Variants in RORA observed in about 807,000 individuals in gnomAD.
The protein encoded by RORA is RAR related orphan receptor A.
In RORA, 7 loss-of-function variants were observed where a neutral mutation model predicts 69.5. The observed-to-expected ratio is 0.10, with a 90% CI of 0.06 to 0.19. The LOEUF (loss-of-function observed/expected upper bound fraction) is 0.19. RORA is among the 10% of genes least tolerant of loss of function. The probability of loss-of-function intolerance (pLI) is 1.00; values close to 1 mark genes in which losing one functional copy is unlikely to be tolerated. For missense variants in RORA, 457 were observed against 663.0 expected (o/e 0.69, Z 3.41); for synonymous variants, 261 against 240.8 (o/e 1.08, Z -0.78).
At chr15:60,825,081 T>A (rs2072939208) in intron 1 of RORA, among the ~76,000 whole-genome samples, 1 of 152,212 alleles carries the variant, frequency 6.6e-6, no homozygotes, top group African/African-American at 2.4e-5. Context: ...AGTATAGGGT[T>A]CATCCTAATT....
chr15:60,566,132 G>C (rs781575484), intron 2 of RORA, among the ~76,000 whole-genome samples: 1 of 152,130 alleles, frequency 6.6e-6, no homozygotes, highest in Non-Finnish European at 1.5e-5. Flanking sequence ...ACATAAATAA[G>C]CTTATGATTA....
intron 1 of RORA, among the ~76,000 whole-genome samples, chr15:60,806,315 A>C (rs2072659183): frequency 6.6e-6 from 1 of 152,160 alleles, no homozygotes; most frequent in Non-Finnish European, 1.5e-5. Flanking sequence ...AATTCTGCAC[A>C]CTCTGACTAT....
At chr15:60,573,419 G>A (rs555367565) in intron 2 of RORA, among the ~76,000 whole-genome samples, 4 of 152,204 alleles carry the variant, frequency 2.6e-5, no homozygotes, top group South Asian at 2.1e-4. Flanking sequence ...GACCTTTGCC[G>A]CATCCAAAAA....
At chr15:60,969,040 G>A (rs1024871676) in intron 1 of RORA, among the ~76,000 whole-genome samples, 5 of 152,022 alleles carry the variant, frequency 3.3e-5, no homozygotes, top group South Asian at 4.1e-4. Context: ...ATGTTTCCTC[G>A]TGATTAGATG....
intron 1 of RORA, among the ~76,000 whole-genome samples, chr15:60,828,295 A>G (rs1022412228): frequency 6.6e-6 from 1 of 152,312 alleles, no homozygotes; most frequent in Non-Finnish European, 1.5e-5. Context: ...GTAAAGAGAC[A>G]TGGTAGGTGA....
intron 2 of RORA, chr15:60,598,367 G>C (rs2068742785): frequency 6.6e-6 from 1 of 152,184 alleles, no homozygotes; most frequent in Non-Finnish European, 1.5e-5. Context: ...GATTTGACAT[G>C]TGTAGGTTCA....
intron 1 of RORA, among the ~76,000 whole-genome samples, chr15:61,157,519 T>C (rs28522424): frequency 0.041 from 6,277 of 152,210 alleles, 435 homozygotes; most frequent in African/African-American, 0.14. Flanking sequence ...AGATACAATA[T>C]ATTTGATCCT....
chr15:61,149,057 G>A (rs879892788), intron 1 of RORA, among the ~76,000 whole-genome samples: 6 of 152,152 alleles, frequency 3.9e-5, no homozygotes, highest in Non-Finnish European at 5.9e-5. Flanking sequence ...CTACATTCCA[G>A]GATTCCAAAT....
chr15:60,500,617 A>ATTT (rs1437479365), intron 9 of RORA, among the ~76,000 whole-genome samples: 1 of 152,190 alleles, frequency 6.6e-6, no homozygotes, highest in East Asian at 1.9e-4. Context: ...ATGTCTTAAA[A>ATTT]ATCTTGTTAT....
At chr15:60,916,941 T>C (rs1396416752) in intron 1 of RORA, among the ~76,000 whole-genome samples, 1 of 151,964 alleles carries the variant, frequency 6.6e-6, no homozygotes, top group East Asian at 1.9e-4. Flanking sequence ...AAAGTCTAAT[T>C]TGGGCCAGTT....
At chr15:60,913,345 G>C (rs896683622) in intron 1 of RORA, among the ~76,000 whole-genome samples, 2 of 152,212 alleles carry the variant, frequency 1.3e-5, no homozygotes, top group Non-Finnish European at 2.9e-5. Context: ...AGAGCCAGTA[G>C]AGCAAGCCTG....
At chr15:60,656,093 G>T (rs188266911) in intron 2 of RORA, among the ~76,000 whole-genome samples, 1 of 152,262 alleles carries the variant, frequency 6.6e-6, no homozygotes, top group East Asian at 1.9e-4. Flanking sequence ...TGATGATAAA[G>T]ACTGGAATAA....
At chr15:61,153,450 C>G (rs2079415235) in intron 1 of RORA, among the ~76,000 whole-genome samples, 1 of 152,132 alleles carries the variant, frequency 6.6e-6, no homozygotes, top group Non-Finnish European at 1.5e-5. Context: ...CCAACACATT[C>G]AGAGAGAGAG....
chr15:60,538,394 C>A (rs760498706), intron 2 of RORA, among the ~76,000 whole-genome samples: 3 of 152,106 alleles, frequency 2.0e-5, no homozygotes. Flanking sequence ...TGAGTGCTCA[C>A]AAAGCTCTTT....
intron 1 of RORA, among the ~76,000 whole-genome samples, chr15:60,852,677 T>C (rs1452719860): frequency 1.3e-5 from 2 of 152,170 alleles, no homozygotes; most frequent in African/African-American, 4.8e-5. Context: ...ATGAGACCTT[T>C]AGAATAGGCT....
rs1415413951 is a variant in RORA, at chr15:60,494,522, G to A, written c.*2933C>T. ...TTTATGTCATCACATAGGTGTTTTTGTAATAATGAAGAAAGGAAAATGCAA... is the reference window on the plus strand; with the variant it reads ...TTTATGTCATCACATAGGTGTTTTTATAATAATGAAGAAAGGAAAATGCAA... On this transcript the variant is annotated 3_prime_UTR_variant, in exon 11 of 11. Coordinates refer to ENST00000335670, the MANE Select transcript of RORA (RefSeq NM_134261.3). 2 of 152,188 alleles carry A rather than the reference G, an allele frequency of 1.3e-5. No individual in the cohort carries two copies. The highest frequency in any genetic ancestry group is 2.9e-5 in the Non-Finnish European group (2 of 68,026). The allele number at this position is 152,188 out of a possible 1,614,324, so 9.4% of individuals were successfully genotyped here.
At chr15:60,997,208 G>T (rs1894579060) in intron 1 of RORA, among the ~76,000 whole-genome samples, 1 of 152,168 alleles carries the variant, frequency 6.6e-6, no homozygotes, top group Non-Finnish European at 1.5e-5. Context: ...GAATTATACT[G>T]ATTTGCAGAT....
intron 1 of RORA, among the ~76,000 whole-genome samples, chr15:60,793,158 G>A (rs2072442025): frequency 6.6e-6 from 1 of 152,176 alleles, no homozygotes; most frequent in South Asian, 2.1e-4. Context: ...TGGAGTAAAT[G>A]ATCTCAAAAG....
intron 1 of RORA, among the ~76,000 whole-genome samples, chr15:60,728,955 G>C (rs2071396962): frequency 1.3e-5 from 2 of 152,158 alleles, no homozygotes; most frequent in Admixed American, 1.3e-4. Flanking sequence ...GTCTCCCCTT[G>C]AGTTATCCCA....
Sources: gnomAD v4.1 joint callset for allele counts (sites outside exome capture counted in the v4.1 genomes callset) on GRCh38, gnomAD v4.1.1 for gene constraint, MANE v1.5 for transcripts, NCBI Gene and HGNC (gene_info 2026-07-23, HGNC 2026-07-21) for gene names.